Variants in EQTN observed in about 807,000 individuals in gnomAD.
The protein encoded by EQTN is Acrosome formation associated factor.
A neutral mutation model predicts 26.9 loss-of-function variants in EQTN; 29 were observed. The observed-to-expected ratio is 1.08, with a 90% CI of 0.80 to 1.47. The LOEUF is 1.47. Among genes scored for constraint, EQTN ranks in the 40% most tolerant of loss-of-function variants. The probability of loss-of-function intolerance (pLI) is 0.00; values close to 1 mark genes in which losing one functional copy is unlikely to be tolerated. For synonymous variants in EQTN, 129 were observed against 120.0 expected (o/e 1.07, Z -0.49); for missense variants, 391 against 346.1 (o/e 1.13, Z -1.03).
chr9:27,291,019 C>T lies in EQTN; in HGVS notation c.421G>A (p.Ala141Thr), dbSNP rs1820223936. ...VPAFWTMLAK[A>T]INGTAVVMDD... is the part of the protein sequence containing the mutation. ...AAGCTACCTAGCTGTATGACTTTAC[C>T]TTTAGCTAACATTGTCCAAAATGCA... Residue 141 changes from alanine (A) to threonine (T), a missense_variant and splice_region_variant, in exon 5 of 8, where the codon GCT becomes ACT. Ala to Thr is a moderately conservative substitution (Grantham distance 58). Transcript: ENST00000380032. The T allele has an allele frequency of 3.1e-6, 5 of 1,611,250 alleles. No individual in the cohort carries two copies. The highest frequency in any genetic ancestry group is 4.2e-6 in the Non-Finnish European group (5 of 1,179,190).
intron 3 of EQTN, among the ~76,000 whole-genome samples, chr9:27,293,713 T>C (rs1030583091): frequency 2.6e-5 from 4 of 152,210 alleles, no homozygotes; most frequent in African/African-American, 9.6e-5. Context: ...AAGATGTTGT[T>C]TGTTGTGGAT....
Position 27,284,881 on chromosome 9 carries a change from A to T in EQTN, c.727T>A (p.Phe243Ile). 6.2e-7 allele frequency: 1 copy of T among 1,614,172 alleles called. No homozygotes were observed. Among genetic ancestry groups the T allele is most frequent in the Non-Finnish European group, 8.5e-7 (1 of 1,180,022 alleles). ...HPSEGVSDTS[F>I]SKSAESSTFL... ...GTGCTGCTCTCTGCACTCTTGGAAAAGGATGTATCTGAAACACCTTCTGAT... is the reference window on the plus strand; with the variant it reads ...GTGCTGCTCTCTGCACTCTTGGAAATGGATGTATCTGAAACACCTTCTGAT... The change falls in exon 8 of 8, where the codon TTT becomes ATT. Residue 243 changes from phenylalanine to isoleucine, a missense_variant. Phe to Ile is a conservative substitution (Grantham distance 21). Coordinates refer to ENST00000380032, the MANE Select transcript of EQTN (RefSeq NM_020641.3).
At chr9:27,290,078 T>C (rs1820201684) in intron 5 of EQTN, among the ~76,000 whole-genome samples, 1 of 152,184 alleles carries the variant, frequency 6.6e-6, no homozygotes, top group Non-Finnish European at 1.5e-5. Flanking sequence ...ACTATAACAC[T>C]TGCCTGAATG....
chr9:27,285,145 T>C (rs1011758911), intron 7 of EQTN, among the ~76,000 whole-genome samples, 173 bp from the exon 8 acceptor site: 3 of 129,090 alleles, frequency 2.3e-5, no homozygotes, highest in Non-Finnish European at 4.9e-5. Context: ...TTTTTTTTTT[T>C]TTTTTTTTTT....
chr9:27,288,386 G>C (rs1820162254), intron 6 of EQTN, among the ~76,000 whole-genome samples: 1 of 152,070 alleles, frequency 6.6e-6, no homozygotes, highest in Non-Finnish European at 1.5e-5. Flanking sequence ...AAGATAGTTT[G>C]GTAGTTTCTT....
intron 3 of EQTN, among the ~76,000 whole-genome samples, chr9:27,293,654 A>G (rs1198692414): frequency 6.6e-6 from 1 of 152,234 alleles, no homozygotes; most frequent in Non-Finnish European, 1.5e-5. Context: ...AATTTGAGGT[A>G]GCTGGTACAC....
At chr9:27,285,835 T>C (rs116701505) in intron 7 of EQTN, among the ~76,000 whole-genome samples, 1,832 of 152,326 alleles carry the variant, frequency 0.012, 45 homozygotes, top group African/African-American at 0.042. Context: ...GTAAAGGTGA[T>C]AGAGATTGGC....
chr9:27,286,071 TA>T, intron 7 of EQTN, 137 bp downstream of exon 7: 1 of 853,628 alleles, frequency 1.2e-6, no homozygotes, highest in Non-Finnish European at 1.8e-6. Context: ...TCCATCCGAA[TA>T]GGGTAAATGG....
chr9:27,292,476 T>C lies in EQTN; in HGVS notation c.301A>G (p.Asn101Asp), dbSNP rs12337286. Reference protein sequence around the residue: ...NFALKNDKTVNATTYEKSTIE... With the variant: ...NFALKNDKTVDATTYEKSTIE... ...GTGGATTTTTCATATGTAGTTGCAT[T>C]GACAGTTTTATCTAGGAAAAGGGAA... The change falls in exon 4 of 8, where the codon AAT becomes GAT. Residue 101 changes from asparagine to aspartate, a missense_variant. Physicochemically the swap from Asn to Asp is conservative, Grantham distance 23 (BLOSUM62 1). Coordinates refer to ENST00000380032, the MANE Select transcript of EQTN (RefSeq NM_020641.3). 51,923 of 1,600,628 alleles carry C rather than the reference T, an allele frequency of 0.032. 1,831 individuals are homozygous for C. Among genetic ancestry groups the C allele is most frequent in the African/African-American group, 0.17 (12,458 of 74,356 alleles).
chr9:27,285,748 T>C (rs183841521), intron 7 of EQTN, among the ~76,000 whole-genome samples: 1 of 152,240 alleles, frequency 6.6e-6, no homozygotes, highest in Non-Finnish European at 1.5e-5. Context: ...CTGAAAAATG[T>C]TAAATAATTC....
chr9:27,296,804 T>C (rs1001219407), intron 1 of EQTN, 66 bp from the exon 2 acceptor site: 42 of 1,577,902 alleles, frequency 2.7e-5, no homozygotes, highest in Non-Finnish European at 3.5e-5. Flanking sequence ...TTTCTTTTTC[T>C]AACTGCATTT....
chr9:27,287,589 A>G (rs1049136131), intron 6 of EQTN, among the ~76,000 whole-genome samples: 5 of 152,164 alleles, frequency 3.3e-5, no homozygotes, highest in Non-Finnish European at 5.9e-5. Flanking sequence ...GATAATACCA[A>G]CTTCATGGAG....
chr9:27,296,450 C>A (rs1820344921), intron 2 of EQTN, among the ~76,000 whole-genome samples, 163 bp downstream of exon 2: 1 of 151,990 alleles, frequency 6.6e-6, no homozygotes, highest in East Asian at 1.9e-4. Context: ...AAAATACAAC[C>A]TAATGGAAAA....
intron 3 of EQTN, among the ~76,000 whole-genome samples, chr9:27,293,339 CT>C (rs1820275828): frequency 6.6e-6 from 1 of 152,144 alleles, no homozygotes; most frequent in Non-Finnish European, 1.5e-5. Context: ...AGAAAAGCAT[CT>C]AGATTGCCTC....
chr9:27,290,978 A>C (rs1820222859), intron 5 of EQTN, 41 bp downstream of exon 5: 1 of 1,588,772 alleles, frequency 6.3e-7, no homozygotes, highest in East Asian at 2.2e-5. Flanking sequence ...GATTTTAGAA[A>C]ACCAAAATGT....
At position 27,284,834 on chromosome 9, in the gene EQTN, T is replaced by C. The variant is rs772265299; in HGVS notation, c.774A>G (p.Ser258=). The change falls in exon 8 of 8, where the codon TCA becomes TCG. Residue 258 remains serine (S), a synonymous_variant. Coordinates refer to ENST00000380032, the MANE Select transcript of EQTN (RefSeq NM_020641.3). ...TTCTTGTGCCTGATCTTCTCATATC[T>C]GAAGAAGTGGTACCCAAAAATGTGC... ...ESSTFLGTTS[S]DMRRSGTRTS... 2 of 1,614,140 alleles carry C rather than the reference T, an allele frequency of 1.2e-6. No homozygotes were observed. Among genetic ancestry groups the C allele is most frequent in the South Asian group, 1.1e-5 (1 of 91,080 alleles).
intron 3 of EQTN, among the ~76,000 whole-genome samples, chr9:27,293,316 C>A (rs1453589145): frequency 3.9e-5 from 6 of 152,136 alleles, no homozygotes; most frequent in Non-Finnish European, 7.4e-5. Context: ...GCTTTGCAAC[C>A]CTTATCCTCT....
intron 2 of EQTN, among the ~76,000 whole-genome samples, chr9:27,295,859 G>GAAAAAAAAAAAAAA (rs1563833686): frequency 7.8e-6 from 1 of 128,404 alleles, no homozygotes; most frequent in African/African-American, 3.2e-5. Context: ...AAAAAACAAC[G>GAAAAAAAAAAAAAA]ATAAAATTAC....
At chr9:27,290,928 C>T (rs1820221659) in intron 5 of EQTN, 91 bp downstream of exon 5, 4 of 1,022,494 alleles carry the variant, frequency 3.9e-6, no homozygotes, top group South Asian at 1.9e-5. Context: ...CTTATTGTCT[C>T]AGTATTAGAG....
Sources: gnomAD v4.1 joint callset for allele counts (sites outside exome capture counted in the v4.1 genomes callset) on GRCh38, gnomAD v4.1.1 for gene constraint, MANE v1.5 for transcripts, NCBI Gene and HGNC (gene_info 2026-07-23, HGNC 2026-07-21) for gene names.